ITGB1: variants seen among roughly 807,000 people sequenced by gnomAD.
The protein encoded by ITGB1 is integrin subunit beta 1.
ITGB1 carries 24 observed loss-of-function variants against 86.5 expected under a neutral mutation model. That is an observed-to-expected ratio of 0.28 (90% CI 0.20 to 0.39). ITGB1 has a LOEUF of 0.39. Among genes scored for constraint, ITGB1 ranks in the 10% least tolerant of loss-of-function variants. ITGB1 has a pLI of 1.00. For missense variants in ITGB1, 556 were observed against 946.9 expected, an observed-to-expected ratio of 0.59 and a Z score of 5.42; for synonymous variants, 323 against 316.8, an observed-to-expected ratio of 1.02 and a Z score of -0.21.
At chr10:32,918,824 G>A (rs1017851416) in intron 11 of ITGB1, among the ~76,000 whole-genome samples, 2 of 152,004 alleles carry the variant, frequency 1.3e-5, no homozygotes, top group African/African-American at 4.8e-5. Flanking sequence ...AAAAGTGTAT[G>A]GAAGTTGAAA....
chr10:32,944,627 C>A, intron 1 of ITGB1: 1 of 600,310 alleles, frequency 1.7e-6, no homozygotes. Context: ...GCTGAAAAAT[C>A]TCACTTAGTA....
chr10:32,941,918 G>A (rs1176338980), intron 1 of ITGB1, among the ~76,000 whole-genome samples: 1 of 152,142 alleles, frequency 6.6e-6, no homozygotes, highest in Non-Finnish European at 1.5e-5. Flanking sequence ...TTGTTTTATT[G>A]CAAAATCTAG....
intron 11 of ITGB1, among the ~76,000 whole-genome samples, chr10:32,918,153 T>C (rs11009143): frequency 0.14 from 20,577 of 152,008 alleles, 1,698 homozygotes; most frequent in East Asian, 0.25. Flanking sequence ...ATGAGAACAC[T>C]TGGACACAGG....
chr10:32,935,632 C>T (rs765577492), intron 1 of ITGB1, 74 bp from the exon 2 acceptor site: 26 of 1,002,396 alleles, frequency 2.6e-5, no homozygotes, highest in Non-Finnish European at 3.9e-5. Context: ...AAAGTATTAC[C>T]CCACCGTACC....
chr10:32,932,384 T>C (rs2094986332), intron 3 of ITGB1, 131 bp downstream of exon 3: 2 of 604,902 alleles, frequency 3.3e-6, no homozygotes, highest in Non-Finnish European at 6.0e-6. Context: ...TTGAACCACA[T>C]AGCTCCAAAC....
chr10:32,952,850 A>C (rs750349874), intron 1 of ITGB1, among the ~76,000 whole-genome samples: 19 of 152,174 alleles, frequency 1.2e-4, no homozygotes, highest in Admixed American at 3.9e-4. Flanking sequence ...TGCCCAGCAG[A>C]GTGAATGACA....
rs1438109107 is a variant in ITGB1, at chr10:32,919,915, C to T, written c.1439G>A (p.Gly480Glu). The T allele has an allele frequency of 6.2e-7, 1 of 1,614,120 alleles. No individual in the cohort carries two copies. Among genetic ancestry groups the T allele is most frequent in the Non-Finnish European group, 8.5e-7 (1 of 1,179,988 alleles). ...CGCGCCACACTCAAATGTCCCATTT[C>T]CTTCATGACACTTGGGACTTTCAGG... Reference protein sequence around the residue: ...GIPESPKCHEGNGTFECGACR... With the variant: ...GIPESPKCHEENGTFECGACR... The change falls in exon 11 of 16, where the codon GGA (glycine) becomes GAA (glutamate). Residue 480 changes from glycine (G) to glutamate (E), a missense_variant. Transcript: ENST00000302278.
chr10:32,933,620 T>G (rs900666388), intron 2 of ITGB1: 3 of 152,170 alleles, frequency 2.0e-5, no homozygotes, highest in African/African-American at 7.2e-5. Context: ...ACCAACTCAC[T>G]GAATCTGTTA....
chr10:32,938,569 A>C (rs1273625229), intron 1 of ITGB1, among the ~76,000 whole-genome samples: 2 of 152,238 alleles, frequency 1.3e-5, no homozygotes, highest in African/African-American at 2.4e-5. Flanking sequence ...CAAGGCAAAA[A>C]GTCAACCTTC....
chr10:32,951,500 A>G (rs2095042611), intron 1 of ITGB1, among the ~76,000 whole-genome samples: 1 of 152,180 alleles, frequency 6.6e-6, no homozygotes, highest in Non-Finnish European at 1.5e-5. Flanking sequence ...AATGGGGGTA[A>G]AGGGGCACAA....
In ITGB1 at chr10:32,958,223, G is replaced by C. The variant is rs959037726; in HGVS notation, c.-79C>G. On this transcript the variant is annotated 5_prime_UTR_variant, in exon 1 of 16. Transcript: ENST00000302278. ...GCGACTCCCGCTGGGCCTCTCCCGCGGGCTGGCGGGGCCTCCCGGGTGTCG... is the reference window on the plus strand; with the variant it reads ...GCGACTCCCGCTGGGCCTCTCCCGCCGGCTGGCGGGGCCTCCCGGGTGTCG... The C allele has an allele frequency of 6.6e-6, 1 of 151,648 alleles. No individual in the cohort carries two copies. The highest frequency in any genetic ancestry group is 1.5e-5 in the Non-Finnish European group (1 of 67,996). 9.4% of individuals were successfully genotyped at this position (151,648 alleles called of 1,614,324 possible).
chr10:32,930,568 G>A (rs1036733625), intron 3 of ITGB1, among the ~76,000 whole-genome samples: 4 of 152,026 alleles, frequency 2.6e-5, no homozygotes, highest in East Asian at 1.9e-4. Flanking sequence ...ATTTAGCACC[G>A]ATTAAATAAG....
rs779781014 is a variant in ITGB1, at chr10:32,925,864, C to A, written c.786+7G>T. 6.6e-7 allele frequency: 1 copy of A among 1,515,862 alleles called. No individual in the cohort carries two copies. The highest frequency in any genetic ancestry group is 9.2e-7 in the Non-Finnish European group (1 of 1,090,524). The allele number at this position is 1,515,862 out of a possible 1,614,324, so 93.9% of individuals were successfully genotyped here. A position where few individuals can be genotyped will look rare whatever the true frequency, so the allele number is the denominator to read the frequency against. ...AATATCCCCTGATAGGAAATGAATG[C>A]GCTTACTCCACAAACTGCAACTTGC... On this transcript the variant is annotated splice_region_variant and intron_variant, in intron 6 of 15. Transcript: ENST00000302278.
intron 15 of ITGB1, 132 bp from the exon 16 acceptor site, chr10:32,901,767 C>T (rs2094882581): frequency 1.6e-6 from 1 of 616,762 alleles, no homozygotes; most frequent in African/African-American, 1.9e-5. Flanking sequence ...CCAGATATCA[C>T]AGTTGTTTTA....
At chr10:32,914,369 C>G (rs964325369) in intron 11 of ITGB1, among the ~76,000 whole-genome samples, 1 of 152,070 alleles carries the variant, frequency 6.6e-6, no homozygotes, top group African/African-American at 2.4e-5. Flanking sequence ...CACAGACTGG[C>G]AAATTGGATA....
At chr10:32,957,367 A>G (rs935327922) in intron 1 of ITGB1, among the ~76,000 whole-genome samples, 13 of 152,202 alleles carry the variant, frequency 8.5e-5, no homozygotes, top group African/African-American at 3.1e-4. Flanking sequence ...TACTAGACAC[A>G]GGCCGGGCTC....
intron 2 of ITGB1, 185 bp from the exon 3 acceptor site, chr10:32,932,785 G>C (rs1258952542): frequency 2.0e-6 from 1 of 492,122 alleles, no homozygotes; most frequent in Non-Finnish European, 3.7e-6. Flanking sequence ...AATTTTTGTG[G>C]GTAAATAGGT....
chr10:32,938,539 T>C (rs2095009741), intron 1 of ITGB1, among the ~76,000 whole-genome samples: 1 of 152,232 alleles, frequency 6.6e-6, no homozygotes, highest in Non-Finnish European at 1.5e-5. Flanking sequence ...GTCACTGTCC[T>C]TTCCTTCTAT....
At chr10:32,930,128 A>G (rs2094978626) in intron 3 of ITGB1, 84 bp from the exon 4 acceptor site, 1 of 700,616 alleles carries the variant, frequency 1.4e-6, no homozygotes. Flanking sequence ...AAGCAATTAA[A>G]TTGCAAAACA....
Sources: allele counts gnomAD v4.1 joint callset (sites outside exome capture counted in the v4.1 genomes callset), GRCh38; gene constraint gnomAD v4.1.1; transcripts MANE v1.5; gene names NCBI Gene and HGNC (gene_info 2026-07-23, HGNC 2026-07-21).